The following LIN28A variants were observed in gnomAD, a reference collection of about 807,000 sequenced individuals.
LIN28A encodes the protein protein lin-28 homolog A.
LIN28A carries 11 observed loss-of-function variants against 21.1 expected under a neutral mutation model. The ratio of observed to expected loss-of-function variants is 0.52; its 90% CI spans 0.33 to 0.86. The LOEUF (loss-of-function observed/expected upper bound fraction) is 0.86, where lower values mean the gene tolerates loss of function less well. Among genes scored for constraint, LIN28A ranks in the 40% least tolerant of loss-of-function variants. The pLI is 0.03. For missense variants in LIN28A, 219 were observed against 279.8 expected, an observed-to-expected ratio of 0.78 and a Z score of 1.55; for synonymous variants, 111 against 108.7, an observed-to-expected ratio of 1.02 and a Z score of -0.13.
chr1:26,417,208 G>A (rs1311171503), intron 2 of LIN28A, among the ~76,000 whole-genome samples: 1 of 152,250 alleles, frequency 6.6e-6, no homozygotes, highest in Non-Finnish European at 1.5e-5. Flanking sequence ...AGGCTGAGCA[G>A]CGCCATCTGG....
Position 26,426,302 on chromosome 1 carries a change from C to T in LIN28A, c.474C>T (p.Pro158=). Residue 158 remains proline (P), a synonymous_variant, in exon 4 of 4, where the codon CCC becomes CCT. Transcript: ENST00000326279. ...AGGAATGCAAGCTGCCACCCCAGCC[C>T]AAGAAGTGCCACTTCTGCCAGAGCA... ...HAKECKLPPQ[P]KKCHFCQSIS... is the part of the protein sequence containing the mutation. 6.2e-7 allele frequency: 1 copy of T among 1,614,202 alleles called. No individual in the cohort carries two copies. Among genetic ancestry groups the T allele is most frequent in the South Asian group, 1.1e-5 (1 of 91,086 alleles).
Position 26,410,840 on chromosome 1 carries a change from G to C in LIN28A, c.-52G>C. On this transcript the variant is annotated 5_prime_UTR_variant, in exon 1 of 4. Transcript: ENST00000326279. Reference sequence around the variant, plus strand: ...ACCCTTTGCCTTCGGACTTCTCCGGGGCCAGCAGCCGCCCGACCAGGGGCC... The same window carrying C: ...ACCCTTTGCCTTCGGACTTCTCCGGCGCCAGCAGCCGCCCGACCAGGGGCC... The C allele has an allele frequency of 6.9e-6, 11 of 1,602,338 alleles. No homozygotes were observed. Among genetic ancestry groups the C allele is most frequent in the Middle Eastern group, 1.7e-4 (1 of 5,930 alleles).
In LIN28A at chr1:26,428,604, A is replaced by G. The variant is rs113048230; in HGVS notation, c.*2146A>G. The G allele has an allele frequency of 2.1e-3, 311 of 149,530 alleles. 3 individuals are homozygous for G. The highest frequency in any genetic ancestry group is 7.4e-3 in the African/African-American group (298 of 40,378). 9.3% of individuals were successfully genotyped at this position (149,530 alleles called of 1,614,324 possible). A position where few individuals can be genotyped will look rare whatever the true frequency, so the allele number is the denominator to read the frequency against. On this transcript the variant is annotated 3_prime_UTR_variant, in exon 4 of 4. Coordinates refer to ENST00000326279, the MANE Select transcript of LIN28A (RefSeq NM_024674.6). Reference sequence around the variant, plus strand: ...GTCACCCAGGCTGGAGTGCAGTGGCATGATCGGCTCACTGCAGCCTCTGCC... The same window carrying G: ...GTCACCCAGGCTGGAGTGCAGTGGCGTGATCGGCTCACTGCAGCCTCTGCC...
chr1:26,416,708 C>T (rs2124289655), intron 2 of LIN28A, among the ~76,000 whole-genome samples: 1 of 152,214 alleles, frequency 6.6e-6, no homozygotes, highest in East Asian at 1.9e-4. Flanking sequence ...ACCTCCACCT[C>T]CCAGGTTTGA....
intron 3 of LIN28A, among the ~76,000 whole-genome samples, chr1:26,425,715 G>C (rs1004145803): frequency 6.6e-6 from 1 of 152,174 alleles, no homozygotes; most frequent in Non-Finnish European, 1.5e-5. Context: ...TGGTCTCTAA[G>C]CCTCAATTGT....
At chr1:26,412,471 G>C (rs779477423) in intron 2 of LIN28A, among the ~76,000 whole-genome samples, 23 of 152,140 alleles carry the variant, frequency 1.5e-4, no homozygotes, top group Non-Finnish European at 2.4e-4. Context: ...TCCCCTTCCT[G>C]AATATCCTAG....
intron 2 of LIN28A, 23 bp from the exon 3 acceptor site, chr1:26,425,280 T>G: frequency 1.2e-6 from 2 of 1,602,120 alleles, no homozygotes; most frequent in Non-Finnish European, 1.7e-6. Context: ...AATGTTAAAA[T>G]TTACTGCATT....
At chr1:26,420,017 G>A (rs1403470666) in intron 2 of LIN28A, among the ~76,000 whole-genome samples, 2 of 152,130 alleles carry the variant, frequency 1.3e-5, no homozygotes, top group Admixed American at 6.5e-5. Context: ...GAGTGCAGTG[G>A]CGCGATCTCA....
chr1:26,421,185 G>T (rs1043622509), intron 2 of LIN28A, among the ~76,000 whole-genome samples: 2 of 152,016 alleles, frequency 1.3e-5, no homozygotes, highest in African/African-American at 4.8e-5. Context: ...ATTATTTGGT[G>T]ATCTTTCTCA....
At chr1:26,416,068 C>T (rs1307697991) in intron 2 of LIN28A, among the ~76,000 whole-genome samples, 1 of 152,140 alleles carries the variant, frequency 6.6e-6, no homozygotes, top group African/African-American at 2.4e-5. Flanking sequence ...ACTCGGCTCA[C>T]TGCAACTTCT....
rs144677182 is a variant in LIN28A at position 26,418,516 on chromosome 1, G to A, written c.229-6787G>A. Among the ~76,000 whole-genome samples the A allele has an allele frequency of 3.1e-3, 463 of 150,790 alleles. 1 individual carries two copies. The highest frequency in any genetic ancestry group is 0.01 in the African/African-American group (427 of 40,922). On this transcript the variant is annotated intron_variant, in intron 2 of 3. Transcript: ENST00000326279. ...AGCCGAGATTGTGCCACTGCACTCCGGCCTGGGCAACAGAGCCAGACTTTT... is the reference window on the plus strand; with the variant it reads ...AGCCGAGATTGTGCCACTGCACTCCAGCCTGGGCAACAGAGCCAGACTTTT...
Position 26,426,275 on chromosome 1 carries a change from C to T in LIN28A, c.447C>T (p.Ala149=), listed in dbSNP as rs1557427366. 1.2e-6 allele frequency: 2 copies of T among 1,614,112 alleles called. No individual in the cohort carries two copies. Among genetic ancestry groups the T allele is most frequent in the East Asian group, 4.5e-5 (2 of 44,884 alleles). The change falls in exon 4 of 4, where the codon GCC becomes GCT. Residue 149 remains alanine, a synonymous_variant. Coordinates refer to ENST00000326279, the MANE Select transcript of LIN28A (RefSeq NM_024674.6). ...ACTGTGGAGGTCTAGATCATCATGCCAAGGAATGCAAGCTGCCACCCCAGC... is the reference window on the plus strand; with the variant it reads ...ACTGTGGAGGTCTAGATCATCATGCTAAGGAATGCAAGCTGCCACCCCAGC... The part of the protein sequence containing the change: ...CYNCGGLDHH[A]KECKLPPQPK...
chr1:26,425,557 G>T, intron 3 of LIN28A, 70 bp downstream of exon 3: 1 of 1,420,248 alleles, frequency 7.0e-7, no homozygotes, highest in Non-Finnish European at 9.7e-7. Flanking sequence ...GTCACTTTTT[G>T]GGTCACACTG....
intron 2 of LIN28A, among the ~76,000 whole-genome samples, chr1:26,413,362 A>G (rs2074972699): frequency 6.6e-6 from 1 of 152,108 alleles, no homozygotes; most frequent in Non-Finnish European, 1.5e-5. Flanking sequence ...ACATACCCCA[A>G]GGAAGGTGTT....
At chr1:26,417,004 G>C (rs2074997271) in intron 2 of LIN28A, among the ~76,000 whole-genome samples, 2 of 148,092 alleles carry the variant, frequency 1.4e-5, no homozygotes, top group East Asian at 2.1e-4. Context: ...TAAAAGTCTA[G>C]GAACCTTTCA....
At chr1:26,420,553 G>C (rs900986780) in intron 2 of LIN28A, among the ~76,000 whole-genome samples, 1 of 148,428 alleles carries the variant, frequency 6.7e-6, no homozygotes, top group African/African-American at 2.5e-5. Flanking sequence ...GCAGTGAGCT[G>C]AGATCGTGTC....
In LIN28A at chr1:26,426,229, T is replaced by C. The variant is rs2075058496; in HGVS notation, c.414-13T>C. On this transcript the variant is annotated splice_polypyrimidine_tract_variant and intron_variant, in intron 3 of 3. Coordinates refer to ENST00000326279, the MANE Select transcript of LIN28A (RefSeq NM_024674.6). The stretch of plus-strand genomic sequence containing the variant: ...CTCCTTTCTCTTACTTTTACGATCT[T>C]GCTTTGTACTAGGTGCTACAACTGT... 1 of 1,610,274 alleles carries C rather than the reference T, an allele frequency of 6.2e-7. No homozygotes were observed. The highest frequency in any genetic ancestry group is 1.3e-5 in the African/African-American group (1 of 74,956).
chr1:26,425,411 G>A lies in LIN28A; in HGVS notation c.337G>A (p.Gly113Ser), dbSNP rs1408569556. ...GLESIRVTGP[G>S]GVFCIGSERR... ...GGAATCCATCCGTGTCACCGGACCT[G>A]GTGGAGTATTCTGTATTGGGAGTGA... The change falls in exon 3 of 4, where the codon GGT (glycine) becomes AGT (serine). Residue 113 changes from glycine to serine, a missense_variant. Around this residue, in one of 3 missense-constraint regions of LIN28A, gnomAD observed 124 missense variants for 193.1 expected, o/e 0.64. Transcript: ENST00000326279. 2.5e-6 allele frequency: 4 copies of A among 1,614,082 alleles called. No individual in the cohort carries two copies. The highest frequency in any genetic ancestry group is 3.4e-6 in the Non-Finnish European group (4 of 1,180,040).
At chr1:26,413,191 A>G (rs1248121719) in intron 2 of LIN28A, among the ~76,000 whole-genome samples, 1 of 152,158 alleles carries the variant, frequency 6.6e-6, no homozygotes, top group Non-Finnish European at 1.5e-5. Context: ...CAAAGAGATT[A>G]AAATCTTTCC....
Sources: gnomAD v4.1 joint callset for allele counts (sites outside exome capture counted in the v4.1 genomes callset) on GRCh38, gnomAD v4.1.1 for gene constraint, gnomAD v4.1.1 regional missense constraint, MANE v1.5 for transcripts, NCBI Gene and HGNC (gene_info 2026-07-23, HGNC 2026-07-21) for gene names.